ADGRL2: variants seen among roughly 807,000 people sequenced by gnomAD.
ADGRL2 encodes the protein calcium-independent alpha-latrotoxin receptor 2.
In ADGRL2, 44 loss-of-function variants were observed where a neutral mutation model predicts 157.4. The ratio of observed to expected loss-of-function variants is 0.28; its 90% CI spans 0.22 to 0.36. ADGRL2 has a LOEUF of 0.36. ADGRL2 is among the 10% of genes least tolerant of loss of function. ADGRL2 has a pLI of 1.00. For synonymous variants in ADGRL2, 585 were observed against 624.7 expected (o/e 0.94, Z 0.95); for missense variants, 1,510 against 1,768.9 (o/e 0.85, Z 2.63).
chr1:81,387,760 G>A (rs1314234350), intron 1 of ADGRL2, among the ~76,000 whole-genome samples: 2 of 152,026 alleles, frequency 1.3e-5, no homozygotes, highest in African/African-American at 4.8e-5. Flanking sequence ...TGGGAATACG[G>A]GTGGCCTCTG....
At chr1:81,484,475 CA>C (rs1298462570) in intron 2 of ADGRL2, among the ~76,000 whole-genome samples, 2 of 152,146 alleles carry the variant, frequency 1.3e-5, no homozygotes, top group African/African-American at 4.8e-5. Flanking sequence ...TATGACTTTA[CA>C]AGGATTTCGT....
chr1:81,905,510 A>T (rs1557882704), intron 2 of ADGRL2, among the ~76,000 whole-genome samples: 1 of 152,236 alleles, frequency 6.6e-6, no homozygotes, highest in African/African-American at 2.4e-5. Context: ...TCAAAAGCAG[A>T]GGAAAATTCA....
At chr1:81,713,000 C>T (rs185356385) in intron 1 of ADGRL2, among the ~76,000 whole-genome samples, 124 of 152,100 alleles carry the variant, frequency 8.2e-4, no homozygotes, top group African/African-American at 2.6e-3. Context: ...TCAGGTGATC[C>T]GCCCATCTTG....
intron 2 of ADGRL2, among the ~76,000 whole-genome samples, chr1:81,570,727 A>G (rs2080669521): frequency 6.6e-6 from 1 of 152,126 alleles, no homozygotes; most frequent in African/African-American, 2.4e-5. Flanking sequence ...CTAGAATAAT[A>G]CTTACCTCAT....
intron 3 of ADGRL2, among the ~76,000 whole-genome samples, chr1:81,632,042 A>G (rs544491743): frequency 2.0e-5 from 3 of 152,348 alleles, no homozygotes; most frequent in East Asian, 3.9e-4. Flanking sequence ...TTGATAGCAT[A>G]CATTTAAAAA....
At chr1:81,364,960 A>C (rs2076040576) in intron 1 of ADGRL2, among the ~76,000 whole-genome samples, 1 of 152,026 alleles carries the variant, frequency 6.6e-6, no homozygotes, top group African/African-American at 2.4e-5. Context: ...CACTGCCCCC[A>C]GCCGGTAATT....
chr1:81,733,042 C>T (rs1439807366), intron 1 of ADGRL2, among the ~76,000 whole-genome samples: 1 of 152,146 alleles, frequency 6.6e-6, no homozygotes, highest in African/African-American at 2.4e-5. Flanking sequence ...TATCAAGCTA[C>T]TTGACTATAT....
At chr1:81,311,021 T>C (rs909687525) in intron 1 of ADGRL2, among the ~76,000 whole-genome samples, 1 of 152,154 alleles carries the variant, frequency 6.6e-6, no homozygotes, top group Non-Finnish European at 1.5e-5. Flanking sequence ...TCTAAAAAGA[T>C]GTCAATTTCC....
chr1:81,953,314 A>G (rs1652452727), intron 10 of ADGRL2, among the ~76,000 whole-genome samples: 1 of 152,070 alleles, frequency 6.6e-6, no homozygotes, highest in African/African-American at 2.4e-5. Flanking sequence ...TCCTGTTGTC[A>G]TCTCTGTGGA....
intron 2 of ADGRL2, among the ~76,000 whole-genome samples, chr1:81,521,967 GT>G (rs200860680): frequency 0.065 from 9,033 of 139,324 alleles, 269 homozygotes; most frequent in South Asian, 0.099. Flanking sequence ...TGTACTTTTT[GT>G]TTTTTTTTTT....
chr1:81,333,578 G>T (rs1661425628), intron 1 of ADGRL2, among the ~76,000 whole-genome samples: 1 of 151,864 alleles, frequency 6.6e-6, no homozygotes, highest in African/African-American at 2.4e-5. Context: ...ACTGCGCCTG[G>T]ATAATTTTTT....
intron 1 of ADGRL2, among the ~76,000 whole-genome samples, chr1:81,755,209 T>C (rs1248805167): frequency 1.9e-5 from 2 of 107,082 alleles, no homozygotes; most frequent in African/African-American, 3.9e-5. Context: ...TATAAATGCA[T>C]ATATGAAGAT....
chr1:81,757,435 A>G (rs1387603820), intron 1 of ADGRL2, among the ~76,000 whole-genome samples: 2 of 152,186 alleles, frequency 1.3e-5, no homozygotes, highest in Non-Finnish European at 2.9e-5. Flanking sequence ...ATGAGCCTGT[A>G]ACAATAACTG....
intron 1 of ADGRL2, among the ~76,000 whole-genome samples, chr1:81,372,430 A>G (rs971172259): frequency 4.6e-5 from 7 of 152,198 alleles, no homozygotes; most frequent in African/African-American, 1.7e-4. Context: ...AGTGCAGTCA[A>G]GATTGCTGTT....
At chr1:81,327,111 A>G (rs984619413) in intron 1 of ADGRL2, among the ~76,000 whole-genome samples, 19 of 152,174 alleles carry the variant, frequency 1.2e-4, no homozygotes, top group Non-Finnish European at 1.5e-5. Context: ...GTACAAAAGG[A>G]TATGCCTCCT....
At position 81,946,251 on chromosome 1, in the gene ADGRL2, T is replaced by C. The variant is rs142318275; in HGVS notation, c.1210+2482T>C. On this transcript the variant is annotated intron_variant, in intron 6 of 23. Transcript: ENST00000686636. ...TCATTTTTCATTGTGGACTGTTTAA[T>C]AATATATTAGCCTCAATACTTTTTC... Among the ~76,000 whole-genome samples the C allele has an allele frequency of 2.3e-4, 35 of 152,236 alleles. No homozygotes were observed. In the East Asian group the frequency reaches 6.4e-3, roughly 28 times the overall value.
chr1:81,606,745 C>CGTGT lies in ADGRL2; in HGVS notation c.-143+25791_-143+25794dup, dbSNP rs56718232. Among the ~76,000 whole-genome samples, 91 of 147,042 alleles carry CGTGT rather than the reference C, an allele frequency of 6.2e-4. No homozygotes were observed. The Middle Eastern group carries it at 0.01, about 17-fold the overall frequency. On this transcript the variant is annotated intron_variant, in intron 3 of 24. Coordinates refer to the ADGRL2 transcript ENST00000370721. ...CAGATAAATTTCTCAAGAGGATCAACGTGTGTGTGTGTGTGTGTGTGTGTG... is the reference window on the plus strand; with the variant it reads ...CAGATAAATTTCTCAAGAGGATCAACGTGTGTGTGTGTGTGTGTGTGTGTGTGTG...
chr1:81,713,411 C>T (rs913288033), intron 1 of ADGRL2, among the ~76,000 whole-genome samples: 1 of 152,138 alleles, frequency 6.6e-6, no homozygotes, highest in Admixed American at 6.5e-5. Flanking sequence ...GTGACATCAG[C>T]ATGTACCAGA....
intron 1 of ADGRL2, among the ~76,000 whole-genome samples, chr1:81,388,944 G>A (rs999715567): frequency 4.6e-5 from 7 of 152,026 alleles, no homozygotes. Context: ...ATAGTCTTTT[G>A]CAGTCCCTTG....
Sources: gnomAD v4.1 joint callset for allele counts (sites outside exome capture counted in the v4.1 genomes callset) on GRCh38, gnomAD v4.1.1 for gene constraint, MANE v1.5 for transcripts, NCBI Gene and HGNC (gene_info 2026-07-23, HGNC 2026-07-21) for gene names.